Variants in DLGAP1 observed in about 807,000 individuals in gnomAD.
The protein encoded by DLGAP1 is DLG associated protein 1, also known as disks large-associated protein 1.
A neutral mutation model predicts 90.8 loss-of-function variants in DLGAP1; 11 were observed. The ratio of observed to expected loss-of-function variants is 0.12; its 90% CI spans 0.08 to 0.20. DLGAP1 has a LOEUF of 0.20. DLGAP1 is among the 10% of genes least tolerant of loss of function. The probability of loss-of-function intolerance (pLI) is 1.00; values close to 1 mark genes in which losing one functional copy is unlikely to be tolerated. For missense variants in DLGAP1, 1,050 were observed against 1,333.8 expected (o/e 0.79, Z 3.31); for synonymous variants, 558 against 540.7 (o/e 1.03, Z -0.44).
rs200063681 is a variant in DLGAP1 at position 4,383,587 on chromosome 18, T to TA, written c.-267+71418dup. ...GACAAAACCGAGTATCCTTGCTCAT[T>TA]AAAAAAAAAGGGATGTTTACCTATG... On this transcript the variant is annotated intron_variant, in intron 1 of 12. Coordinates refer to ENST00000315677, the MANE Select transcript of DLGAP1 (RefSeq NM_004746.4). This position sits in a 1 kb window ranked among gnomAD's most constrained non-coding sequence, Gnocchi z 4.0. Among the ~76,000 whole-genome samples the TA allele has an allele frequency of 1.5e-4, 22 of 149,798 alleles. No homozygotes were observed. The highest frequency in any genetic ancestry group is 3.7e-4 in the African/African-American group (15 of 41,030).
chr18:3,850,114 C>A (rs1299626913), intron 4 of DLGAP1, among the ~76,000 whole-genome samples: 1 of 151,416 alleles, frequency 6.6e-6, no homozygotes, highest in Non-Finnish European at 1.5e-5. Flanking sequence ...CGTCTGTAAT[C>A]CCAGCACTTT....
rs187728312 is a variant in DLGAP1, at chr18:4,166,094, G to A, written c.-266-14807C>T. On this transcript the variant is annotated intron_variant, in intron 1 of 12. Coordinates refer to ENST00000315677, the MANE Select transcript of DLGAP1 (RefSeq NM_004746.4). ...AGATCACTTGAGTTCAGGAATTTGA[G>A]GTTGCAGTGAGCTATGATCATGCCA... Among the ~76,000 whole-genome samples the A allele has an allele frequency of 2.0e-3, 304 of 152,038 alleles. 2 individuals carry two copies. The highest frequency in any genetic ancestry group is 0.01 in the Middle Eastern group (3 of 294).
rs1404485387 is a variant in DLGAP1, at chr18:3,565,885, A to AT, written c.2057+1604_2057+1605insA. ...CAAACAAAAAAAAATGATTACTAAA[A>AT]CTTTTCAGAGTAAAAGAAAAAAGTC... On this transcript the variant is annotated intron_variant, in intron 9 of 12. Coordinates refer to ENST00000315677, the MANE Select transcript of DLGAP1 (RefSeq NM_004746.4). The surrounding 1 kb of genome is among the most constrained non-coding windows in gnomAD (Gnocchi z 4.0). Among the ~76,000 whole-genome samples, 1 of 151,962 alleles carries AT rather than the reference A, an allele frequency of 6.6e-6. No individual in the cohort carries two copies. The highest frequency in any genetic ancestry group is 1.9e-4 in the East Asian group (1 of 5,168).
At position 4,087,758 on chromosome 18, in the gene DLGAP1, T is replaced by A. The variant is rs555181765; in HGVS notation, c.-159+63422A>T. Among the ~76,000 whole-genome samples, 12 of 152,326 alleles carry A rather than the reference T, an allele frequency of 7.9e-5. No individual in the cohort carries two copies. In the East Asian group the frequency reaches 2.3e-3, roughly 29 times the overall value. On this transcript the variant is annotated intron_variant, in intron 2 of 12. Coordinates refer to ENST00000315677, the MANE Select transcript of DLGAP1 (RefSeq NM_004746.4). ...TGTATTTTTTTACATTTATATGCTATATATATTTAAATGACATATATACAT... is the reference window on the plus strand; with the variant it reads ...TGTATTTTTTTACATTTATATGCTAAATATATTTAAATGACATATATACAT...
At chr18:3,946,872 C>A (rs1417510987) in intron 3 of DLGAP1, among the ~76,000 whole-genome samples, 1 of 152,166 alleles carries the variant, frequency 6.6e-6, no homozygotes, top group Non-Finnish European at 1.5e-5. Context: ...CATCTCATTT[C>A]ATTTAAACCT....
At chr18:3,813,083 C>T (rs1416668784) in intron 5 of DLGAP1, among the ~76,000 whole-genome samples, 1 of 152,180 alleles carries the variant, frequency 6.6e-6, no homozygotes, top group Non-Finnish European at 1.5e-5. Context: ...AATAATCAAT[C>T]TCAGTGGTTT....
chr18:4,335,455 C>T (rs9303947), intron 1 of DLGAP1, among the ~76,000 whole-genome samples: 49,369 of 151,686 alleles, frequency 0.33, 10,416 homozygotes, highest in African/African-American at 0.59. Context: ...GTTCACAAAG[C>T]CAAGAAGCCT....
chr18:4,266,403 T>C (rs2079132817), intron 1 of DLGAP1, among the ~76,000 whole-genome samples: 2 of 152,214 alleles, frequency 1.3e-5, no homozygotes, highest in Admixed American at 6.5e-5. Context: ...TGGGCATAAA[T>C]GCTTATCCTA....
intron 1 of DLGAP1, among the ~76,000 whole-genome samples, chr18:4,246,175 T>G (rs1300348247): frequency 6.6e-6 from 1 of 152,098 alleles, no homozygotes; most frequent in Non-Finnish European, 1.5e-5. Flanking sequence ...ATGACAGAAT[T>G]ATAAAATGTG....
chr18:4,080,479 A>G (rs1435462589), intron 2 of DLGAP1, among the ~76,000 whole-genome samples: 1 of 151,250 alleles, frequency 6.6e-6, no homozygotes, highest in Admixed American at 6.5e-5. Context: ...TGGAAACATG[A>G]TAATAGCTGC....
chr18:4,086,660 C>T (rs1243103857), intron 2 of DLGAP1, among the ~76,000 whole-genome samples: 1 of 151,608 alleles, frequency 6.6e-6, no homozygotes, highest in African/African-American at 2.4e-5. Context: ...TGAGACTATA[C>T]CTTGTATGTT....
chr18:4,014,083 A>AT (rs2074478023), intron 2 of DLGAP1: 1 of 104,076 alleles, frequency 9.6e-6, no homozygotes, highest in East Asian at 3.1e-4. Flanking sequence ...TACTTAGCCC[A>AT]CTTTTTTTTT....
In DLGAP1 at chr18:4,383,212, C is replaced by T. The variant is rs2144340494; in HGVS notation, c.-267+71794G>A. Among the ~76,000 whole-genome samples the T allele has an allele frequency of 6.6e-6, 1 of 152,170 alleles. No homozygotes were observed. The highest frequency in any genetic ancestry group is 1.5e-5 in the Non-Finnish European group (1 of 67,998). ...GCACAAACAAAACATTAAAACATTA[C>T]CTGGGGAATAATGTTCTAATATTCA... On this transcript the variant is annotated intron_variant, in intron 1 of 12. Transcript: ENST00000315677. The surrounding 1 kb of genome is among the most constrained non-coding windows in gnomAD (Gnocchi z 4.0).
chr18:3,921,703 CAT>C (rs1262912650), intron 3 of DLGAP1, among the ~76,000 whole-genome samples: 1 of 152,112 alleles, frequency 6.6e-6, no homozygotes, highest in African/African-American at 2.4e-5. Context: ...CACAGAAGCA[CAT>C]GTTGTAAGGA....
chr18:4,027,285 C>T (rs2074715920), intron 2 of DLGAP1, among the ~76,000 whole-genome samples: 1 of 151,690 alleles, frequency 6.6e-6, no homozygotes, highest in South Asian at 2.1e-4. Flanking sequence ...GTGGGAGGAT[C>T]ACTGGAGGCC....
At chr18:3,901,402 G>C (rs1052318336) in intron 3 of DLGAP1, among the ~76,000 whole-genome samples, 1 of 152,072 alleles carries the variant, frequency 6.6e-6, no homozygotes, top group Non-Finnish European at 1.5e-5. Flanking sequence ...TTACCCGTAA[G>C]GACAATACAC....
At chr18:3,749,609 C>CA (rs1037366341) in intron 5 of DLGAP1, among the ~76,000 whole-genome samples, 4 of 152,300 alleles carry the variant, frequency 2.6e-5, no homozygotes, top group Middle Eastern at 3.4e-3. Flanking sequence ...CTCATCTCCT[C>CA]AATGGCTTCT....
chr18:3,965,830 C>T (rs2073314872), intron 3 of DLGAP1, among the ~76,000 whole-genome samples: 1 of 151,280 alleles, frequency 6.6e-6, no homozygotes, highest in African/African-American at 2.4e-5. Flanking sequence ...CACCTGTAAT[C>T]CCAGCTACTC....
intron 1 of DLGAP1, among the ~76,000 whole-genome samples, chr18:4,243,850 T>C (rs371192432): frequency 2.0e-5 from 3 of 152,300 alleles, no homozygotes; most frequent in African/African-American, 7.2e-5. Flanking sequence ...GGCTGAAAGG[T>C]ATACAATGTC....
Sources: gnomAD v4.1 joint callset for allele counts (sites outside exome capture counted in the v4.1 genomes callset) on GRCh38, gnomAD v4.1.1 for gene constraint, Gnocchi (gnomAD v3.1) non-coding constraint, MANE v1.5 for transcripts, NCBI Gene and HGNC (gene_info 2026-07-23, HGNC 2026-07-21) for gene names.